The following RBMS3 variants were observed in gnomAD, a reference collection of about 807,000 sequenced individuals.
RBMS3 encodes RNA binding motif single stranded interacting protein 3.
In RBMS3, 27 loss-of-function variants were observed where a neutral mutation model predicts 66.8. The ratio of observed to expected loss-of-function variants is 0.40; its 90% CI spans 0.30 to 0.56. The LOEUF (loss-of-function observed/expected upper bound fraction) is 0.56, where lower values mean the gene tolerates loss of function less well. Among genes scored for constraint, RBMS3 ranks in the 20% least tolerant of loss-of-function variants. The pLI is 0.40. For missense variants in RBMS3, 513 were observed against 549.5 expected, an observed-to-expected ratio of 0.93 and a Z score of 0.66; for synonymous variants, 188 against 183.0, an observed-to-expected ratio of 1.03 and a Z score of -0.22.
intron 6 of RBMS3, among the ~76,000 whole-genome samples, chr3:29,798,489 T>C (rs2057286572): frequency 6.6e-6 from 1 of 152,064 alleles, no homozygotes; most frequent in Admixed American, 6.6e-5. Flanking sequence ...GGCAGAAGGC[T>C]GTGTCAAAAT....
At chr3:29,465,540 T>C in intron 2 of RBMS3, among the ~76,000 whole-genome samples, 1 of 125,518 alleles carries the variant, frequency 8.0e-6, no homozygotes, top group South Asian at 2.6e-4. Flanking sequence ...GAATGTGCCC[T>C]TATTTTTTTT....
chr3:29,284,297 A>C (rs1180522350), intron 1 of RBMS3, among the ~76,000 whole-genome samples: 1 of 151,994 alleles, frequency 6.6e-6, no homozygotes, highest in Non-Finnish European at 1.5e-5. Context: ...ACATATCTTA[A>C]ATTTTTCTCT....
intron 6 of RBMS3, among the ~76,000 whole-genome samples, chr3:29,835,203 C>T (rs1178089799): frequency 6.6e-6 from 1 of 151,930 alleles, no homozygotes; most frequent in Non-Finnish European, 1.5e-5. Context: ...AACTTCAATA[C>T]CCAACTCTCA....
chr3:29,933,320 A>G (rs2061179725), intron 10 of RBMS3, among the ~76,000 whole-genome samples: 2 of 152,028 alleles, frequency 1.3e-5, no homozygotes, highest in Admixed American at 6.6e-5. Flanking sequence ...TTTTGTATTT[A>G]TTTATTTATG....
chr3:29,815,129 G>T (rs1397369059), intron 6 of RBMS3, among the ~76,000 whole-genome samples: 1 of 152,098 alleles, frequency 6.6e-6, no homozygotes, highest in Non-Finnish European at 1.5e-5. Context: ...GAAGGGACCT[G>T]GTGTCTCATC....
At chr3:29,619,054 G>A (rs892299931) in intron 4 of RBMS3, among the ~76,000 whole-genome samples, 16 of 152,000 alleles carry the variant, frequency 1.1e-4, no homozygotes, top group South Asian at 4.1e-4. Context: ...TTCATTTGAC[G>A]TCGAAAATGA....
intron 6 of RBMS3, among the ~76,000 whole-genome samples, chr3:29,843,260 G>A (rs1434710042): frequency 6.6e-6 from 1 of 152,134 alleles, no homozygotes; most frequent in Non-Finnish European, 1.5e-5. Context: ...ATGAAAATAT[G>A]CTGCATATTT....
At chr3:29,423,525 C>G (rs2040831295) in intron 1 of RBMS3, among the ~76,000 whole-genome samples, 1 of 152,056 alleles carries the variant, frequency 6.6e-6, no homozygotes, top group Admixed American at 6.5e-5. Context: ...TTAAGAAATT[C>G]CTGTAACTAG....
intron 1 of RBMS3, among the ~76,000 whole-genome samples, chr3:29,367,830 C>T (rs2037991093): frequency 6.6e-6 from 1 of 152,004 alleles, no homozygotes; most frequent in Admixed American, 6.6e-5. Flanking sequence ...CTCTACAACT[C>T]GATTATTACT....
intron 3 of RBMS3, among the ~76,000 whole-genome samples, chr3:29,514,587 C>G (rs1416205048): frequency 7.0e-6 from 1 of 143,744 alleles, no homozygotes; most frequent in Non-Finnish European, 1.5e-5. Flanking sequence ...AAAAAGGAAG[C>G]GATTTATCCC....
chr3:29,416,132 G>A (rs1454606784), intron 1 of RBMS3, among the ~76,000 whole-genome samples: 1 of 151,974 alleles, frequency 6.6e-6, no homozygotes, highest in Non-Finnish European at 1.5e-5. Context: ...TCTATCACAC[G>A]AGATACTTAC....
intron 1 of RBMS3, among the ~76,000 whole-genome samples, chr3:29,331,989 A>G (rs1351427318): frequency 6.6e-6 from 1 of 152,052 alleles, no homozygotes; most frequent in Admixed American, 6.6e-5. Flanking sequence ...GTATCTGGTC[A>G]TCAGAATCCC....
intron 3 of RBMS3, among the ~76,000 whole-genome samples, chr3:29,493,976 A>AATCCTTTGC (rs2043646109): frequency 6.6e-6 from 1 of 152,178 alleles, no homozygotes; most frequent in Non-Finnish European, 1.5e-5. Flanking sequence ...CTTGGTTTTG[A>AATCCTTTGC]ATCCTTTGCA....
At chr3:29,735,444 GA>G (rs1426672865) in intron 4 of RBMS3, among the ~76,000 whole-genome samples, 2 of 152,082 alleles carry the variant, frequency 1.3e-5, no homozygotes, top group Admixed American at 1.3e-4. Context: ...TTGTACAAAT[GA>G]AAAAATGTAG....
chr3:29,463,174 C>T (rs2042424733), intron 2 of RBMS3, among the ~76,000 whole-genome samples: 1 of 152,138 alleles, frequency 6.6e-6, no homozygotes, highest in Non-Finnish European at 1.5e-5. Flanking sequence ...TTCTATTCAG[C>T]ACAATCACAT....
At chr3:29,361,581 TTG>T (rs2037593725) in intron 1 of RBMS3, among the ~76,000 whole-genome samples, 1 of 152,188 alleles carries the variant, frequency 6.6e-6, no homozygotes. Flanking sequence ...TCTCCTGAAT[TTG>T]AATGTTGGCC....
chr3:29,671,684 T>C (rs1476228345), intron 4 of RBMS3, among the ~76,000 whole-genome samples: 1 of 152,198 alleles, frequency 6.6e-6, no homozygotes, highest in East Asian at 1.9e-4. Flanking sequence ...AGGGTATCAG[T>C]GATTGAAGAT....
chr3:29,797,019 C>A (rs753978142), intron 6 of RBMS3, among the ~76,000 whole-genome samples: 1 of 151,922 alleles, frequency 6.6e-6, no homozygotes, highest in African/African-American at 2.4e-5. Flanking sequence ...GCCACAATGG[C>A]TTTTACTTAG....
chr3:29,639,880 GA>G (rs1194168088), intron 4 of RBMS3, among the ~76,000 whole-genome samples: 1 of 151,854 alleles, frequency 6.6e-6, no homozygotes, highest in Non-Finnish European at 1.5e-5. Flanking sequence ...AGTTCCAGGA[GA>G]AAATTGAATA....
Sources: gnomAD v4.1 joint callset for allele counts (sites outside exome capture counted in the v4.1 genomes callset) on GRCh38, gnomAD v4.1.1 for gene constraint, MANE v1.5 for transcripts, NCBI Gene and HGNC (gene_info 2026-07-23, HGNC 2026-07-21) for gene names.